Variants in IMMT observed in about 807,000 individuals in gnomAD.
IMMT encodes the protein MICOS complex subunit MIC60.
In IMMT, 40 loss-of-function variants were observed where a neutral mutation model predicts 92.7. The ratio of observed to expected loss-of-function variants is 0.43; its 90% CI spans 0.34 to 0.56. The LOEUF (loss-of-function observed/expected upper bound fraction) is 0.56, where lower values mean the gene tolerates loss of function less well. Ranked by LOEUF, IMMT falls within the 20% of genes least tolerant of loss-of-function variation. The pLI is 0.03. For missense variants in IMMT, 831 were observed against 912.1 expected (o/e 0.91, Z 1.14); for synonymous variants, 322 against 336.1 (o/e 0.96, Z 0.46).
intron 1 of IMMT, among the ~76,000 whole-genome samples, chr2:86,191,788 G>A (rs984153207): frequency 6.6e-6 from 1 of 150,626 alleles, no homozygotes; most frequent in Admixed American, 6.6e-5. Context: ...GGTGGCAGGC[G>A]CCTGTAGTCC....
At chr2:86,171,862 A>ATTTTT (rs10659146) in intron 4 of IMMT, among the ~76,000 whole-genome samples, 19 of 149,940 alleles carry the variant, frequency 1.3e-4, no homozygotes, top group African/African-American at 2.5e-4. Flanking sequence ...ATATATATAT[A>ATTTTT]TTTTTTGCAC....
chr2:86,168,709 AAAG>A (rs1347095216), intron 6 of IMMT, among the ~76,000 whole-genome samples: 1 of 152,212 alleles, frequency 6.6e-6, no homozygotes, highest in African/African-American at 2.4e-5. Flanking sequence ...ATTTTGAGGA[AAAG>A]AAGCATAAAC....
At position 86,158,724 on chromosome 2, in the gene IMMT, G is replaced by A. The variant is rs775927342; in HGVS notation, c.1033-3C>T. On this transcript the variant is annotated splice_region_variant and splice_polypyrimidine_tract_variant and intron_variant, in intron 9 of 14. Coordinates refer to ENST00000410111, the MANE Select transcript of IMMT (RefSeq NM_006839.3). ...GCCTCAGACTGAGCTGCTTGGACCT[G>A]AGCAAATACACAGGGTATGTGATTA... The A allele has an allele frequency of 6.3e-7, 1 of 1,598,260 alleles. No individual in the cohort carries two copies. Among genetic ancestry groups the A allele is most frequent in the Admixed American group, 1.7e-5 (1 of 58,800 alleles).
intron 6 of IMMT, among the ~76,000 whole-genome samples, chr2:86,168,023 T>C (rs7593188): frequency 0.012 from 1,845 of 152,110 alleles, 46 homozygotes; most frequent in African/African-American, 0.042. Context: ...GGAATACTCA[T>C]AGCAAAACAC....
intron 7 of IMMT, 104 bp from the exon 8 acceptor site, chr2:86,162,183 A>T (rs1013295181): frequency 1.5e-6 from 1 of 671,066 alleles, no homozygotes; most frequent in South Asian, 1.9e-5. Context: ...TTCAAAGGTA[A>T]AAATTTATAT....
chr2:86,148,548 C>G (rs1675217814), intron 12 of IMMT, among the ~76,000 whole-genome samples: 1 of 152,124 alleles, frequency 6.6e-6, no homozygotes, highest in Non-Finnish European at 1.5e-5. Context: ...GGAGGCAGAG[C>G]TTGCCGTGAG....
chr2:86,146,234 T>C lies in IMMT; in HGVS notation c.1534-37A>G, dbSNP rs770524449. The C allele has an allele frequency of 3.2e-6, 5 of 1,580,864 alleles. No homozygotes were observed. The East Asian group carries it at 1.1e-4, about 36-fold the overall frequency. On this transcript the variant is annotated intron_variant, in intron 13 of 14. Coordinates refer to ENST00000410111, the MANE Select transcript of IMMT (RefSeq NM_006839.3). ...CAGAAATAGTTCCAGAAAAAAGTGA[T>C]ACTCAATGCATGTCATGTAACTGTG... is the stretch of plus-strand genomic sequence containing the variant.
intron 6 of IMMT, among the ~76,000 whole-genome samples, chr2:86,169,735 G>A (rs1676958331): frequency 2.0e-5 from 3 of 148,700 alleles, no homozygotes; most frequent in African/African-American, 7.8e-5. Context: ...ACCTACCGAG[G>A]ACAGCAAAAA....
At position 86,148,210 on chromosome 2, in the gene IMMT, G is replaced by A. The variant is rs541308951; in HGVS notation, c.1402-377C>T. 1.8e-3 allele frequency among the ~76,000 whole-genome samples: 267 copies of A among 152,318 alleles called. 1 individual carries two copies. The highest frequency in any genetic ancestry group is 6.3e-3 in the African/African-American group (261 of 41,562). On this transcript the variant is annotated intron_variant, in intron 12 of 14. Transcript: ENST00000410111. ...AGTAACTATATACTTGGAATCAAGC[G>A]TAGCTTTACTACAACCATCTGTGTG... is the stretch of plus-strand genomic sequence containing the variant.
chr2:86,195,183 T>A (rs1485284807), intron 1 of IMMT, among the ~76,000 whole-genome samples, 155 bp downstream of exon 1: 4 of 152,336 alleles, frequency 2.6e-5, no homozygotes, highest in African/African-American at 7.2e-5. Flanking sequence ...AACTCCCTGG[T>A]GGCTGCCTAG....
chr2:86,171,475 CAT>C (rs1677078212), intron 4 of IMMT, 130 bp from the exon 5 acceptor site: 7 of 807,468 alleles, frequency 8.7e-6, no homozygotes, highest in Admixed American at 8.2e-5. Flanking sequence ...TGTACTGCCA[CAT>C]GTTTGAATAA....
At chr2:86,187,421 AATATTTTATCACGTAAATATACC>A (rs1189742163) in intron 1 of IMMT, among the ~76,000 whole-genome samples, 3 of 152,214 alleles carry the variant, frequency 2.0e-5, no homozygotes, top group Non-Finnish European at 4.4e-5. Flanking sequence ...GGCTGAATCT[AATATTTTATCACGTAAATATACC>A]ATATTTTGTT....
At chr2:86,165,965 G>C (rs1676645243) in intron 7 of IMMT, among the ~76,000 whole-genome samples, 1 of 152,212 alleles carries the variant, frequency 6.6e-6, no homozygotes, top group South Asian at 2.1e-4. Flanking sequence ...GGTGTTGTAA[G>C]ATATAGTAAA....
Position 86,171,267 on chromosome 2 carries a change from T to G in IMMT, c.500A>C (p.Glu167Ala). 1 of 1,608,110 alleles carries G rather than the reference T, an allele frequency of 6.2e-7. No homozygotes were observed. The highest frequency in any genetic ancestry group is 8.5e-7 in the Non-Finnish European group (1 of 1,176,722). The stretch of plus-strand genomic sequence containing the variant: ...TTCAGGGTGATCAGTTTTTAAAGAT[T>G]CCTCAGGCTGAACTGCAGGGGCTGG... ...SVPAPAVQPEESLKTDHPEIG... is the reference protein window; with the variant it reads ...SVPAPAVQPEASLKTDHPEIG... The change falls in exon 5 of 15, where the codon GAA becomes GCA. Residue 167 changes from glutamate (E) to alanine (A), a missense_variant. Physicochemically the swap from Glu to Ala is moderately radical, Grantham distance 107. Transcript: ENST00000410111.
intron 10 of IMMT, among the ~76,000 whole-genome samples, chr2:86,157,365 C>T (rs774862271): frequency 3.3e-5 from 5 of 152,186 alleles, no homozygotes; most frequent in South Asian, 2.1e-4. Flanking sequence ...GATTATAAAT[C>T]CCTGCACTGG....
chr2:86,171,461 T>C (rs989188929), intron 4 of IMMT, 116 bp from the exon 5 acceptor site: 2 of 886,400 alleles, frequency 2.3e-6, no homozygotes, highest in African/African-American at 3.3e-5. Context: ...GAGACACAAA[T>C]ATTTGTACTG....
At chr2:86,166,306 G>A (rs566991641) in intron 7 of IMMT, among the ~76,000 whole-genome samples, 1 of 152,320 alleles carries the variant, frequency 6.6e-6, no homozygotes, top group Admixed American at 6.5e-5. Flanking sequence ...ACTCCAGCCC[G>A]GGCGACAGAG....
At chr2:86,147,052 TG>T (rs1249116999) in intron 13 of IMMT, among the ~76,000 whole-genome samples, 1 of 152,250 alleles carries the variant, frequency 6.6e-6, no homozygotes, top group Non-Finnish European at 1.5e-5. Flanking sequence ...TTAGCCACTG[TG>T]CTCAGCCACA....
rs1028949631 is a variant in IMMT, at chr2:86,144,088, C to T, written c.*180G>A. On this transcript the variant is annotated 3_prime_UTR_variant, in exon 15 of 15. Coordinates refer to ENST00000410111, the MANE Select transcript of IMMT (RefSeq NM_006839.3). ...CAAGTTGCAAAGAAAGCACTCCTGG[C>T]GTTCACTGACATGATAGCAAATGGA... 4.4e-6 allele frequency: 3 copies of T among 686,644 alleles called. No individual in the cohort carries two copies. The highest frequency in any genetic ancestry group is 7.2e-6 in the Non-Finnish European group (3 of 417,068). The allele number at this position is 686,644 out of a possible 1,614,324, so 42.5% of individuals were successfully genotyped here. A position where few individuals can be genotyped will look rare whatever the true frequency, so the allele number is the denominator to read the frequency against.
Sources: allele counts gnomAD v4.1 joint callset (sites outside exome capture counted in the v4.1 genomes callset), GRCh38; gene constraint gnomAD v4.1.1; transcripts MANE v1.5; gene names NCBI Gene and HGNC (gene_info 2026-07-23, HGNC 2026-07-21).